DOCK3: variants seen among roughly 807,000 people sequenced by gnomAD.
DOCK3 encodes the protein dedicator of cytokinesis 3, also known as dedicator of cytokinesis protein 3.
A neutral mutation model predicts 265.6 loss-of-function variants in DOCK3; 60 were observed. That is an observed-to-expected ratio of 0.23 (90% confidence interval 0.18 to 0.28). The LOEUF (loss-of-function observed/expected upper bound fraction) is 0.28, where lower values mean the gene tolerates loss of function less well. DOCK3 is among the 10% of genes least tolerant of loss of function. The probability of loss-of-function intolerance (pLI) is 1.00; values close to 1 mark genes in which losing one functional copy is unlikely to be tolerated. For synonymous variants in DOCK3, 881 were observed against 938.0 expected (o/e 0.94, Z 1.11); for missense variants, 1,981 against 2,594.3 (o/e 0.76, Z 5.14).
At chr3:51,159,136 T>G in intron 10 of DOCK3, 108 bp from the exon 11 acceptor site, 1 of 998,698 alleles carries the variant, frequency 1.0e-6, no homozygotes, top group Non-Finnish European at 1.5e-6. Flanking sequence ...GTAATCTCCC[T>G]TCCCCTGCCT....
At chr3:50,945,443 A>G (rs935885738) in intron 5 of DOCK3, among the ~76,000 whole-genome samples, 1 of 152,182 alleles carries the variant, frequency 6.6e-6, no homozygotes, top group Admixed American at 6.5e-5. Context: ...ACTGAAGATG[A>G]CATGCTTTGT....
intron 5 of DOCK3, among the ~76,000 whole-genome samples, chr3:50,935,221 C>A (rs2051289789): frequency 6.6e-6 from 1 of 152,194 alleles, no homozygotes; most frequent in Non-Finnish European, 1.5e-5. Context: ...CTTTACTGTT[C>A]TCTAAGAGAA....
intron 3 of DOCK3, among the ~76,000 whole-genome samples, chr3:50,873,959 A>G (rs1018639303): frequency 2.0e-5 from 3 of 150,264 alleles, no homozygotes; most frequent in African/African-American, 7.4e-5. Flanking sequence ...TGTTTTTTCT[A>G]CTTCTTCATT....
intron 5 of DOCK3, among the ~76,000 whole-genome samples, chr3:51,062,428 A>G (rs1344166919): frequency 2.0e-5 from 3 of 152,132 alleles, no homozygotes; most frequent in African/African-American, 7.2e-5. Context: ...CAGTTTTCTT[A>G]AATGTTGCCA....
intron 1 of DOCK3, among the ~76,000 whole-genome samples, chr3:50,680,821 T>C (rs1056045754): frequency 6.6e-6 from 1 of 152,102 alleles, no homozygotes; most frequent in Non-Finnish European, 1.5e-5. Context: ...TACTTTTTAA[T>C]GGGATTATTT....
At chr3:50,935,235 C>T (rs1000891911) in intron 5 of DOCK3, among the ~76,000 whole-genome samples, 5 of 152,126 alleles carry the variant, frequency 3.3e-5, no homozygotes, top group African/African-American at 9.7e-5. Context: ...AAGAGAACAG[C>T]ACAATAAAAG....
intron 5 of DOCK3, among the ~76,000 whole-genome samples, chr3:51,012,694 G>A (rs1195991711): frequency 1.3e-5 from 2 of 152,122 alleles, no homozygotes; most frequent in East Asian, 3.9e-4. Flanking sequence ...GATGAACCTG[G>A]TACCTCAGTT....
At chr3:51,047,249 G>A (rs1040015683) in intron 5 of DOCK3, among the ~76,000 whole-genome samples, 3 of 78,224 alleles carry the variant, frequency 3.8e-5, no homozygotes, top group Non-Finnish European at 7.0e-5. Flanking sequence ...TCACACAGGG[G>A]CCTGTCATGA....
At chr3:50,765,375 C>T (rs2040812287) in intron 1 of DOCK3, among the ~76,000 whole-genome samples, 1 of 152,036 alleles carries the variant, frequency 6.6e-6, no homozygotes, top group Non-Finnish European at 1.5e-5. Flanking sequence ...TGAGCCTCCA[C>T]GTCCAGCCTT....
chr3:51,003,569 C>T (rs1231898882), intron 5 of DOCK3, among the ~76,000 whole-genome samples: 1 of 152,136 alleles, frequency 6.6e-6, no homozygotes, highest in East Asian at 1.9e-4. Context: ...GACCTGATAC[C>T]AAGTGGGAAA....
chr3:51,354,866 C>T lies in DOCK3; in HGVS notation c.4108-16C>T. 6.2e-7 allele frequency: 1 copy of T among 1,612,254 alleles called. No individual in the cohort carries two copies. The highest frequency in any genetic ancestry group is 1.3e-5 in the African/African-American group (1 of 75,068). ...AAGCAAAGCATACATAGAGTGTGCT[C>T]TTCTGTTTGTGGCAGAACAAAGAAT... is the stretch of plus-strand genomic sequence containing the variant. On this transcript the variant is annotated splice_polypyrimidine_tract_variant and intron_variant, in intron 40 of 52. Transcript: ENST00000266037.
At chr3:51,096,433 G>A (rs2082859705) in intron 9 of DOCK3, among the ~76,000 whole-genome samples, 1 of 151,054 alleles carries the variant, frequency 6.6e-6, no homozygotes, top group South Asian at 2.1e-4. Context: ...TGATCAATTC[G>A]GCTATTGATA....
At chr3:50,697,086 A>G (rs1389486048) in intron 1 of DOCK3, among the ~76,000 whole-genome samples, 1 of 151,710 alleles carries the variant, frequency 6.6e-6, no homozygotes, top group Non-Finnish European at 1.5e-5. Flanking sequence ...GTGCACCACC[A>G]TGCCTGGCTA....
intron 51 of DOCK3, among the ~76,000 whole-genome samples, chr3:51,377,037 C>T (rs1043628398): frequency 9.9e-5 from 15 of 152,256 alleles, no homozygotes; most frequent in African/African-American, 2.7e-4. Flanking sequence ...TGCAGAGCAA[C>T]GTCAGAAGTA....
chr3:51,065,168 A>G (rs2081545626), intron 6 of DOCK3, among the ~76,000 whole-genome samples: 5 of 152,166 alleles, frequency 3.3e-5, no homozygotes, highest in Admixed American at 2.6e-4. Context: ...TTCAGTGAAT[A>G]TAATTGATAT....
chr3:51,018,342 A>G (rs1185250696), intron 5 of DOCK3, among the ~76,000 whole-genome samples: 1 of 151,620 alleles, frequency 6.6e-6, no homozygotes, highest in African/African-American at 2.4e-5. Context: ...TCATGCCTGT[A>G]ATCCCAGCAC....
chr3:50,961,604 A>G (rs2076888029), intron 5 of DOCK3, among the ~76,000 whole-genome samples: 1 of 152,198 alleles, frequency 6.6e-6, no homozygotes, highest in Non-Finnish European at 1.5e-5. Context: ...TTAGATCATT[A>G]TATGTGTAGC....
intron 1 of DOCK3, among the ~76,000 whole-genome samples, chr3:50,678,337 G>C (rs2034136535): frequency 6.6e-6 from 1 of 152,002 alleles, no homozygotes; most frequent in Non-Finnish European, 1.5e-5. Context: ...GAAGCTTCCT[G>C]CTCTAAAGTG....
intron 3 of DOCK3, among the ~76,000 whole-genome samples, chr3:50,885,160 A>G (rs770512681): frequency 1.8e-4 from 28 of 152,116 alleles, no homozygotes; most frequent in Non-Finnish European, 3.4e-4. Flanking sequence ...GGCCTTTCAG[A>G]TTGATTTCTT....
Sources: allele counts gnomAD v4.1 joint callset (sites outside exome capture counted in the v4.1 genomes callset), GRCh38; gene constraint gnomAD v4.1.1; transcripts MANE v1.5; gene names NCBI Gene and HGNC (gene_info 2026-07-23, HGNC 2026-07-21).